Variants in TSNARE1 observed in about 807,000 individuals in gnomAD.
The protein encoded by TSNARE1 is t-SNARE domain-containing protein 1.
Under a neutral mutation model 62.0 loss-of-function variants are expected in TSNARE1, and 49 were observed. The ratio of observed to expected loss-of-function variants is 0.79; its 90% CI spans 0.63 to 1.00. The LOEUF is 1.00. Ranked by LOEUF, TSNARE1 falls within the 50% of genes least tolerant of loss-of-function variation. The pLI, the probability that TSNARE1 is intolerant of heterozygous loss-of-function variation, is 0.00. For missense variants in TSNARE1, 755 were observed against 700.1 expected (o/e 1.08, Z -0.88); for synonymous variants, 328 against 294.4 (o/e 1.11, Z -1.17).
chr8:142,239,887 A>G (rs1817603772), intron 12 of TSNARE1, among the ~76,000 whole-genome samples: 1 of 152,226 alleles, frequency 6.6e-6, no homozygotes, highest in Admixed American at 6.5e-5. Flanking sequence ...TATTTCTGCG[A>G]CTGTTATGTA....
At chr8:142,253,299 G>A (rs1014849106) in intron 12 of TSNARE1, among the ~76,000 whole-genome samples, 1 of 152,234 alleles carries the variant, frequency 6.6e-6, no homozygotes, top group African/African-American at 2.4e-5. Context: ...CAACAAGCGA[G>A]GCACAGGCCA....
At chr8:142,233,324 T>C (rs1253851165) in intron 12 of TSNARE1, among the ~76,000 whole-genome samples, 1 of 150,394 alleles carries the variant, frequency 6.6e-6, no homozygotes, top group African/African-American at 2.5e-5. Context: ...CCAAGCGGGG[T>C]TTTTGGACGG....
intron 1 of TSNARE1, among the ~76,000 whole-genome samples, chr8:142,362,401 T>C (rs1835231396): frequency 2.0e-5 from 3 of 152,180 alleles, no homozygotes; most frequent in Non-Finnish European, 4.4e-5. Flanking sequence ...GACTTCTCTG[T>C]ATAATCCCTA....
At chr8:142,280,016 G>A (rs1821149722) in intron 11 of TSNARE1, 2 of 1,216,304 alleles carry the variant, frequency 1.6e-6, no homozygotes, top group Non-Finnish European at 1.0e-6. Flanking sequence ...CGCCACTTGT[G>A]CTTGAGGTCC....
chr8:142,241,751 G>C (rs921625131), intron 12 of TSNARE1, among the ~76,000 whole-genome samples: 1 of 152,198 alleles, frequency 6.6e-6, no homozygotes, highest in Non-Finnish European at 1.5e-5. Context: ...TACGTCATGG[G>C]GATATGACAG....
At chr8:142,238,184 A>C (rs1465956273) in intron 12 of TSNARE1, among the ~76,000 whole-genome samples, 1 of 151,560 alleles carries the variant, frequency 6.6e-6, no homozygotes, top group African/African-American at 2.4e-5. Flanking sequence ...CTGGGTCTCC[A>C]GGACCCCGGC....
At chr8:142,318,340 G>A (rs1026171892) in intron 7 of TSNARE1, among the ~76,000 whole-genome samples, 2 of 152,220 alleles carry the variant, frequency 1.3e-5, no homozygotes, top group Non-Finnish European at 2.9e-5. Context: ...CTCCCGGCAC[G>A]TGGTCAGCAC....
At chr8:142,384,284 T>C (rs2131270411) in intron 1 of TSNARE1, among the ~76,000 whole-genome samples, 1 of 152,172 alleles carries the variant, frequency 6.6e-6, no homozygotes, top group East Asian at 1.9e-4. Context: ...ATCCCCTGCC[T>C]CTCTGAGAAG....
intron 1 of TSNARE1, among the ~76,000 whole-genome samples, chr8:142,365,633 C>CAGAG (rs56823056): frequency 8.2e-4 from 113 of 138,650 alleles, no homozygotes; most frequent in Middle Eastern, 3.6e-3. Flanking sequence ...CACACACACA[C>CAGAG]AGAGAGAGAG....
chr8:142,330,947 G>A lies in TSNARE1; in HGVS notation c.847C>T (p.Gln283Ter), dbSNP rs779806466. 63 of 1,613,932 alleles carry A rather than the reference G, an allele frequency of 3.9e-5. No homozygotes were observed. Among genetic ancestry groups the A allele is most frequent in the Non-Finnish European group, 5.2e-5 (61 of 1,179,984 alleles). ...GTGTCACTCGGTGTCCCTAAGGACT[G>A]AAGGCTCCGCTCCAAGGAGGTCACT... The part of the protein sequence containing the change: ...SSVTSLERSL[Q>*]SLGTPSDTQE... Residue 283 changes from glutamine to a stop codon, truncating the protein, a stop_gained, in exon 6 of 14, where the codon CAG (glutamine) becomes TAG (stop). Transcript: ENST00000524325. LOFTEE classifies it high-confidence loss of function.
rs1411722835 is a variant in TSNARE1 at position 142,291,236 on chromosome 8, G to C, written c.1291-6751C>G. Among the ~76,000 whole-genome samples, 1 of 151,854 alleles carries C rather than the reference G, an allele frequency of 6.6e-6. No individual in the cohort carries two copies. The highest frequency in any genetic ancestry group is 2.4e-5 in the African/African-American group (1 of 41,354). On this transcript the variant is annotated intron_variant, in intron 10 of 13. Transcript: ENST00000524325. This position sits in a 1 kb window ranked among gnomAD's most constrained non-coding sequence, Gnocchi z 4.8. Reference sequence around the variant, plus strand: ...CTCATCTCAGAAAGGCCAAGCAAAAGTCGGCTCTCCAGCATCGCGGTGAGG... The same window carrying C: ...CTCATCTCAGAAAGGCCAAGCAAAACTCGGCTCTCCAGCATCGCGGTGAGG...
At chr8:142,346,842 G>A (rs376181096) in intron 2 of TSNARE1, among the ~76,000 whole-genome samples, 13 of 152,206 alleles carry the variant, frequency 8.5e-5, no homozygotes, top group South Asian at 6.2e-4. Flanking sequence ...ACTAGGGGCC[G>A]CCCTGGTGAG....
At chr8:142,299,759 T>A (rs1825404729) in intron 10 of TSNARE1, among the ~76,000 whole-genome samples, 1 of 152,132 alleles carries the variant, frequency 6.6e-6, no homozygotes, top group Non-Finnish European at 1.5e-5. Context: ...CATGCATACG[T>A]GCATGCACTC....
intron 12 of TSNARE1, among the ~76,000 whole-genome samples, chr8:142,256,369 ATCACCACCATCATCAT>A (rs1818566037): frequency 3.5e-5 from 5 of 141,290 alleles, no homozygotes; most frequent in African/African-American, 1.3e-4. Flanking sequence ...CACCACCATC[ATCACCACCATCATCAT>A]CACCAATACC....
intron 1 of TSNARE1, among the ~76,000 whole-genome samples, chr8:142,393,133 C>A (rs902527546): frequency 6.6e-6 from 1 of 152,192 alleles, no homozygotes; most frequent in Non-Finnish European, 1.5e-5. Flanking sequence ...GCCATCCACA[C>A]CGTGGAACAG....
intron 6 of TSNARE1, among the ~76,000 whole-genome samples, chr8:142,322,015 C>T (rs910073200): frequency 4.6e-5 from 7 of 152,048 alleles, no homozygotes; most frequent in Non-Finnish European, 1.5e-5. Flanking sequence ...TTTAGAAAAA[C>T]GAATTCAACA....
chr8:142,325,108 C>T (rs989238229), intron 6 of TSNARE1, among the ~76,000 whole-genome samples: 3 of 152,216 alleles, frequency 2.0e-5, no homozygotes, highest in Non-Finnish European at 2.9e-5. Flanking sequence ...GGACCGCCCA[C>T]GGTGGAGGAG....
chr8:142,262,625 T>C (rs1456838366), intron 12 of TSNARE1, among the ~76,000 whole-genome samples: 1 of 152,138 alleles, frequency 6.6e-6, no homozygotes, highest in African/African-American at 2.4e-5. Context: ...AGTGCTGTCA[T>C]GGCGATAGTG....
At chr8:142,327,613 G>A (rs1405762947) in intron 6 of TSNARE1, among the ~76,000 whole-genome samples, 3 of 152,214 alleles carry the variant, frequency 2.0e-5, no homozygotes, top group Non-Finnish European at 2.9e-5. Context: ...CCACCCCTCT[G>A]CCACAGGGAC....
Sources: gnomAD v4.1 joint callset for allele counts (sites outside exome capture counted in the v4.1 genomes callset) on GRCh38, gnomAD v4.1.1 for gene constraint, Gnocchi (gnomAD v3.1) non-coding constraint, MANE v1.5 for transcripts, NCBI Gene and HGNC (gene_info 2026-07-23, HGNC 2026-07-21) for gene names.